TNRC6C: variants seen among roughly 807,000 people sequenced by gnomAD.
TNRC6C encodes the protein trinucleotide repeat-containing gene 6C protein.
Under a neutral mutation model 153.7 loss-of-function variants are expected in TNRC6C, and 20 were observed. The observed-to-expected ratio is 0.13, with a 90% CI of 0.09 to 0.19. The LOEUF (loss-of-function observed/expected upper bound fraction) is 0.19, where lower values mean the gene tolerates loss of function less well. Ranked by LOEUF, TNRC6C falls within the 10% of genes least tolerant of loss-of-function variation. The pLI is 1.00. For missense variants in TNRC6C, 1,987 were observed against 2,172.0 expected (o/e 0.91, Z 1.69); for synonymous variants, 811 against 841.4 (o/e 0.96, Z 0.63).
At chr17:78,096,839 G>A (rs2073496275) in intron 16 of TNRC6C, among the ~76,000 whole-genome samples, 1 of 152,182 alleles carries the variant, frequency 6.6e-6, no homozygotes, top group Non-Finnish European at 1.5e-5. Context: ...GAAAGGGAGA[G>A]CCACATTAGA....
chr17:77,976,469 C>T (rs954018074), intron 1 of TNRC6C, among the ~76,000 whole-genome samples: 2 of 152,180 alleles, frequency 1.3e-5, no homozygotes, highest in Non-Finnish European at 2.9e-5. Flanking sequence ...GTATTTCACA[C>T]ACAGTAGCCC....
chr17:78,108,108 C>G (rs2073736404), exon 20 of TNRC6C: 1 of 152,258 alleles, frequency 6.6e-6, no homozygotes, highest in Non-Finnish European at 1.5e-5. Context: ...CCTCTGAAGA[C>G]AAACCGAGCA....
At chr17:78,055,365 G>T (rs1262905965) in intron 3 of TNRC6C, among the ~76,000 whole-genome samples, 1 of 152,168 alleles carries the variant, frequency 6.6e-6, no homozygotes, top group African/African-American at 2.4e-5. Context: ...GTACAGTAAA[G>T]ACATAAACTG....
chr17:77,971,647 C>T (rs2070940791), intron 1 of TNRC6C, among the ~76,000 whole-genome samples: 2 of 152,180 alleles, frequency 1.3e-5, no homozygotes, highest in Admixed American at 1.3e-4. Context: ...CCTTCACAAA[C>T]ATTTCCAGAG....
At chr17:78,001,783 G>A (rs1013310787), upstream of TNRC6C, among the ~76,000 whole-genome samples, 14 of 152,000 alleles carry the variant, frequency 9.2e-5, no homozygotes, top group Middle Eastern at 3.2e-3. Context: ...TGGGTCATGG[G>A]GGGAGGAGAT....
rs2072285555 is a variant in TNRC6C at position 78,041,142 on chromosome 17, C to T, written c.-218-7703C>T. 3 of 152,288 alleles carry T rather than the reference C, an allele frequency of 2.0e-5. 1 individual carries two copies. The South Asian group carries it at 6.2e-4, about 32-fold the overall frequency. The allele number at this position is 152,288 out of a possible 1,614,324, so 9.4% of individuals were successfully genotyped here. On this transcript the variant is annotated intron_variant, in intron 2 of 19. Coordinates refer to ENST00000301624, the Ensembl canonical transcript of TNRC6C. Reference sequence around the variant, plus strand: ...GGTATTTCCTCACCCGTCAGCCCCTCGTAGAGCAGGAGAAACGGAACAAAC... The same window carrying T: ...GGTATTTCCTCACCCGTCAGCCCCTTGTAGAGCAGGAGAAACGGAACAAAC...
At chr17:78,051,996 T>C (rs1232425449) in intron 3 of TNRC6C, among the ~76,000 whole-genome samples, 1 of 152,020 alleles carries the variant, frequency 6.6e-6, no homozygotes, top group Non-Finnish European at 1.5e-5. Flanking sequence ...GGTGGCAAAG[T>C]CGTGAGCATG....
chr17:78,100,691 A>G (rs1274129546), intron 17 of TNRC6C, among the ~76,000 whole-genome samples: 2 of 151,374 alleles, frequency 1.3e-5, no homozygotes, highest in African/African-American at 4.9e-5. Flanking sequence ...CCATTGTCTT[A>G]GGGATTAACA....
At position 78,086,599 on chromosome 17, in the gene TNRC6C, C is replaced by T. The variant is rs1386940259; in HGVS notation, c.3561+13C>T. 1.2e-6 allele frequency: 2 copies of T among 1,612,392 alleles called. No homozygotes were observed. Among genetic ancestry groups the T allele is most frequent in the Middle Eastern group, 1.7e-4 (1 of 6,058 alleles). ...ACAGGAGCAGCAAGTAGGTGCTACC[C>T]AGATTGATTTTTGTCATGAGCTATA... is the stretch of plus-strand genomic sequence containing the variant. On this transcript the variant is annotated intron_variant, in intron 12 of 19. Coordinates refer to ENST00000301624, the Ensembl canonical transcript of TNRC6C.
chr17:78,093,625 C>T, exon 16 of TNRC6C: 2 of 1,613,906 alleles, frequency 1.2e-6, no homozygotes, highest in Non-Finnish European at 1.7e-6. Context: ...AACAGAATTC[C>T]ATCCGGGAGT....
At chr17:78,076,941 G>A (rs1399880588) in intron 8 of TNRC6C, among the ~76,000 whole-genome samples, 2 of 152,194 alleles carry the variant, frequency 1.3e-5, no homozygotes, top group African/African-American at 4.8e-5. Context: ...CAATAGTTAG[G>A]AGAATAGTAG....
intron 1 of TNRC6C, among the ~76,000 whole-genome samples, chr17:77,974,871 G>C (rs573794402): frequency 4.2e-4 from 64 of 152,348 alleles, no homozygotes; most frequent in African/African-American, 1.4e-3. Context: ...CCCAAGATCA[G>C]GTAGTCCTGG....
At chr17:78,012,474 A>G (rs572422077) in intron 1 of TNRC6C, among the ~76,000 whole-genome samples, 1 of 151,678 alleles carries the variant, frequency 6.6e-6, no homozygotes, top group African/African-American at 2.4e-5. Context: ...AAACCTTCAT[A>G]TGTACCTCCT....
intron 2 of TNRC6C, among the ~76,000 whole-genome samples, chr17:78,037,850 A>G (rs2072210376): frequency 6.6e-6 from 1 of 152,234 alleles, no homozygotes; most frequent in South Asian, 2.1e-4. Flanking sequence ...ATGTACGTGA[A>G]TAGAAGAGCC....
At chr17:78,082,650 A>G (rs774733295) in intron 10 of TNRC6C, among the ~76,000 whole-genome samples, 6 of 152,306 alleles carry the variant, frequency 3.9e-5, no homozygotes, top group Admixed American at 6.5e-5. Flanking sequence ...TCTTATCCAT[A>G]TGAACAGGCG....
intron 1 of TNRC6C, among the ~76,000 whole-genome samples, chr17:78,022,884 C>T (rs1280474724): frequency 6.6e-6 from 1 of 152,184 alleles, no homozygotes; most frequent in African/African-American, 2.4e-5. Context: ...ATGTACTGTA[C>T]ATGTGCAGAC....
intron 11 of TNRC6C, among the ~76,000 whole-genome samples, chr17:78,084,292 A>AG (rs1341723742): frequency 2.8e-4 from 43 of 151,992 alleles, no homozygotes; most frequent in African/African-American, 9.9e-4. Context: ...GAAAAAAAAA[A>AG]AAGAAAATCA....
At chr17:78,013,875 T>C (rs535033598) in intron 1 of TNRC6C, among the ~76,000 whole-genome samples, 39 of 152,154 alleles carry the variant, frequency 2.6e-4, no homozygotes, top group Admixed American at 1.0e-3. Flanking sequence ...GAGGCCAAAG[T>C]GAGAGATGGG....
At chr17:77,999,131 C>T (rs762638979) in intron 1 of TNRC6C, among the ~76,000 whole-genome samples, 38 of 152,274 alleles carry the variant, frequency 2.5e-4, no homozygotes, top group Non-Finnish European at 3.7e-4. Context: ...CAAAGGTGAG[C>T]CCAAAATGGT....
Sources: allele counts gnomAD v4.1 joint callset (sites outside exome capture counted in the v4.1 genomes callset), GRCh38; gene constraint gnomAD v4.1.1; transcripts MANE v1.5; gene names NCBI Gene and HGNC (gene_info 2026-07-23, HGNC 2026-07-21).